Variants in NTN1 observed in about 807,000 individuals in gnomAD.
NTN1 encodes the protein netrin-1.
In NTN1, 11 loss-of-function variants were observed where a neutral mutation model predicts 54.2. The observed-to-expected ratio is 0.20, with a 90% CI of 0.13 to 0.34. The LOEUF is 0.34. Ranked by LOEUF, NTN1 falls within the 10% of genes least tolerant of loss-of-function variation. The pLI is 1.00. For synonymous variants in NTN1, 371 were observed against 382.0 expected (o/e 0.97, Z 0.33); for missense variants, 740 against 893.1 (o/e 0.83, Z 2.18).
chr17:9,114,103 A>G (rs2092201299), intron 2 of NTN1, among the ~76,000 whole-genome samples: 1 of 143,166 alleles, frequency 7.0e-6, no homozygotes, highest in Non-Finnish European at 1.5e-5. Context: ...CGGAGGTTGC[A>G]GTGAGCTGAG....
At chr17:9,137,215 G>A (rs55797840) in intron 2 of NTN1, among the ~76,000 whole-genome samples, 30,836 of 152,076 alleles carry the variant, frequency 0.2, 3,481 homozygotes, top group East Asian at 0.33. Flanking sequence ...TTTTGTTCAT[G>A]CATCGTCTCC....
intron 2 of NTN1, among the ~76,000 whole-genome samples, chr17:9,142,499 C>G (rs2142281328): frequency 6.6e-6 from 1 of 151,352 alleles, no homozygotes. Flanking sequence ...GCTTCCTTTT[C>G]TTTTGAGAAT....
chr17:9,025,865 G>T (rs1011016224), intron 2 of NTN1, among the ~76,000 whole-genome samples: 1 of 152,204 alleles, frequency 6.6e-6, no homozygotes, highest in African/African-American at 2.4e-5. Context: ...CTAGGAAAAA[G>T]CATTAATAAA....
At chr17:9,046,960 C>T (rs1270042038) in intron 2 of NTN1, among the ~76,000 whole-genome samples, 1 of 152,146 alleles carries the variant, frequency 6.6e-6, no homozygotes, top group African/African-American at 2.4e-5. Context: ...GCAAGTCATA[C>T]AAATTTTTTG....
chr17:9,011,253 AC>A, the NTN1 span, among the ~76,000 whole-genome samples: 1 of 152,138 alleles, frequency 6.6e-6, no homozygotes, highest in Non-Finnish European at 1.5e-5. Flanking sequence ...CAGGCCACAG[AC>A]TAGTGGTAGT....
chr17:9,159,720 G>C (rs1218454426), intron 2 of NTN1, among the ~76,000 whole-genome samples: 2 of 152,134 alleles, frequency 1.3e-5, no homozygotes, highest in Non-Finnish European at 2.9e-5. Context: ...AGAATCGCGT[G>C]AACCTGGGAG....
intron 2 of NTN1, among the ~76,000 whole-genome samples, chr17:9,036,860 G>A (rs961367050): frequency 3.1e-4 from 47 of 152,118 alleles, no homozygotes; most frequent in African/African-American, 1.1e-3. Flanking sequence ...TTCCCTCAAA[G>A]GACTGCTCAG....
chr17:9,047,521 A>G (rs948223636), intron 2 of NTN1, among the ~76,000 whole-genome samples: 1 of 152,126 alleles, frequency 6.6e-6, no homozygotes, highest in Non-Finnish European at 1.5e-5. Context: ...GGAGTGATTC[A>G]GTCACATCTT....
chr17:9,206,630 C>T lies in NTN1; in HGVS notation c.1412-14538C>T, dbSNP rs149420192. Among the ~76,000 whole-genome samples, 753 of 152,312 alleles carry T rather than the reference C, an allele frequency of 4.9e-3. 7 individuals are homozygous for T. Among genetic ancestry groups the T allele is most frequent in the African/African-American group, 0.017 (716 of 41,564 alleles). ...CGGGATGGGCTTCCAGGCCAGGCAG[C>T]CTGGGAGGGGATTTCATCCTCAGGA... is the stretch of plus-strand genomic sequence containing the variant. On this transcript the variant is annotated intron_variant, in intron 5 of 6. Transcript: ENST00000173229.
At position 9,240,726 on chromosome 17, in the gene NTN1, T is replaced by G; in HGVS notation, c.*758T>G. The G allele has an allele frequency of 7.1e-6, 1 of 139,914 alleles. No homozygotes were observed. The highest frequency in any genetic ancestry group is 1.5e-5 in the Non-Finnish European group (1 of 67,834). The allele number at this position is 139,914 out of a possible 1,614,324, so 8.7% of individuals were successfully genotyped here. A position where few individuals can be genotyped will look rare whatever the true frequency, so the allele number is the denominator to read the frequency against. ...AGGAGAGGAAGCCCCTGCTGCTGCC[T>G]GTCTCTGCCCCTGCCCCTGCCCCTG... is the stretch of plus-strand genomic sequence containing the variant. On this transcript the variant is annotated 3_prime_UTR_variant, in exon 7 of 7. Transcript: ENST00000173229.
chr17:9,167,990 G>A (rs1461688574), intron 3 of NTN1, among the ~76,000 whole-genome samples: 1 of 152,140 alleles, frequency 6.6e-6, no homozygotes, highest in Non-Finnish European at 1.5e-5. Context: ...AATGGGTCCA[G>A]ATGCGATCTG....
intron 5 of NTN1, among the ~76,000 whole-genome samples, chr17:9,196,179 G>A (rs1254974986): frequency 3.3e-5 from 5 of 152,194 alleles, no homozygotes; most frequent in East Asian, 1.9e-4. Context: ...GTGTTCTGGG[G>A]CACAGCACCC....
chr17:9,008,911 G>A, the NTN1 span, among the ~76,000 whole-genome samples: 1 of 152,088 alleles, frequency 6.6e-6, no homozygotes, highest in Non-Finnish European at 1.5e-5. Context: ...CATGGTGGTG[G>A]ATGCCTGTAG....
rs1004462520 is a variant in NTN1 at position 9,112,698 on chromosome 17, G to A, written c.1019-50115G>A. Among the ~76,000 whole-genome samples the A allele has an allele frequency of 4.6e-5, 7 of 151,838 alleles. No homozygotes were observed. In the South Asian group the frequency reaches 8.3e-4, roughly 18 times the overall value. On this transcript the variant is annotated intron_variant, in intron 2 of 6. Transcript: ENST00000173229. ...AAATTAGCCGGGCGTGGTGGCAGGC[G>A]CCTGTAGTCCCAGCTACTCGGGAGG...
intron 3 of NTN1, among the ~76,000 whole-genome samples, chr17:9,178,122 G>A (rs955553594): frequency 1.3e-5 from 2 of 152,182 alleles, no homozygotes; most frequent in Non-Finnish European, 2.9e-5. Flanking sequence ...GTTTGAACCC[G>A]GGAGGCGGAG....
At chr17:9,128,035 T>C (rs1283101309) in intron 2 of NTN1, among the ~76,000 whole-genome samples, 1 of 151,290 alleles carries the variant, frequency 6.6e-6, no homozygotes, top group Non-Finnish European at 1.5e-5. Context: ...GAGAATCCCT[T>C]GAACCTGGGA....
chr17:9,013,265 G>A, the NTN1 span, among the ~76,000 whole-genome samples: 1 of 138,374 alleles, frequency 7.2e-6, no homozygotes, highest in African/African-American at 2.8e-5. Context: ...CACCCAGGCT[G>A]GAGTGCAATG....
intron 5 of NTN1, among the ~76,000 whole-genome samples, chr17:9,193,943 A>AACAAAAC (rs58256134): frequency 6.8e-6 from 1 of 146,650 alleles, no homozygotes; most frequent in Non-Finnish European, 1.5e-5. Flanking sequence ...AAAAAAAAAA[A>AACAAAAC]ACATTATGCA....
chr17:9,016,978 A>G (rs187228750), upstream of NTN1, among the ~76,000 whole-genome samples: 70 of 152,256 alleles, frequency 4.6e-4, no homozygotes, highest in African/African-American at 1.6e-3. Context: ...TCAAGCCTCC[A>G]GTGCTCCCAG....
Sources: gnomAD v4.1 joint callset for allele counts (sites outside exome capture counted in the v4.1 genomes callset) on GRCh38, gnomAD v4.1.1 for gene constraint, MANE v1.5 for transcripts, NCBI Gene and HGNC (gene_info 2026-07-23, HGNC 2026-07-21) for gene names.